Variants in ZKSCAN7 observed in about 807,000 individuals in gnomAD.
ZKSCAN7 encodes zinc finger with KRAB and SCAN domains 7, also known as zinc finger protein with KRAB and SCAN domains 7.
A neutral mutation model predicts 65.3 loss-of-function variants in ZKSCAN7; 38 were observed. The observed-to-expected ratio is 0.58, with a 90% CI of 0.45 to 0.76. The LOEUF (loss-of-function observed/expected upper bound fraction) is 0.76, where lower values mean the gene tolerates loss of function less well. Among genes scored for constraint, ZKSCAN7 ranks in the 30% least tolerant of loss-of-function variants. ZKSCAN7 has a pLI of 0.00. For missense variants in ZKSCAN7, 815 were observed against 913.3 expected, an observed-to-expected ratio of 0.89 and a Z score of 1.39; for synonymous variants, 321 against 321.0, an observed-to-expected ratio of 1.00 and a Z score of 0.00.
chr3:44,563,666 G>A (rs985958816), intron 2 of ZKSCAN7, among the ~76,000 whole-genome samples: 12 of 101,054 alleles, frequency 1.2e-4, no homozygotes, highest in African/African-American at 4.2e-4. Context: ...CCCACCCCCC[G>A]TGATCCAGTC....
chr3:44,565,436 A>G, intron 2 of ZKSCAN7, 51 bp from the exon 3 acceptor site: 3 of 1,508,726 alleles, frequency 2.0e-6, no homozygotes, highest in Non-Finnish European at 2.7e-6. Flanking sequence ...TTTTGGGTTC[A>G]GTACCTTCAA....
At chr3:44,566,867 C>T (rs1213888014) in intron 3 of ZKSCAN7, among the ~76,000 whole-genome samples, 2 of 151,898 alleles carry the variant, frequency 1.3e-5, no homozygotes, top group Admixed American at 1.3e-4. Context: ...ACCTGTAATC[C>T]CAGCACTTTG....
At chr3:44,562,593 T>G (rs1303289036) in intron 2 of ZKSCAN7, among the ~76,000 whole-genome samples, 1 of 152,248 alleles carries the variant, frequency 6.6e-6, no homozygotes, top group Non-Finnish European at 1.5e-5. Context: ...CTTTTAAATA[T>G]AAGTTCCAGT....
At chr3:44,573,459 C>T (rs1359803998), downstream of ZKSCAN7, among the ~76,000 whole-genome samples, 2 of 152,126 alleles carry the variant, frequency 1.3e-5, no homozygotes, top group Admixed American at 1.3e-4. Flanking sequence ...ATTCTAGGGA[C>T]ATATCTCAGG....
chr3:44,572,203 C>T (rs79794181), downstream of ZKSCAN7: 22,116 of 985,292 alleles, frequency 0.022, 273 homozygotes, highest in Non-Finnish European at 0.025. Context: ...ATCTTTCTCC[C>T]CTCCCCAGCT....
chr3:44,561,229 C>T lies in ZKSCAN7; in HGVS notation c.423+3759C>T, dbSNP rs549256214. 7.2e-5 allele frequency among the ~76,000 whole-genome samples: 11 copies of T among 152,176 alleles called. No homozygotes were observed. The South Asian group carries it at 2.3e-3, about 32-fold the overall frequency. On this transcript the variant is annotated intron_variant, in intron 2 of 5. Transcript: ENST00000426540. ...GGAAACCTACAATCATGGCAGAAGGCAAAGAGGAAGGAAGGACCTTCTTCA... is the reference window on the plus strand; with the variant it reads ...GGAAACCTACAATCATGGCAGAAGGTAAAGAGGAAGGAAGGACCTTCTTCA...
At chr3:44,572,808 C>G (rs1362637807), downstream of ZKSCAN7, among the ~76,000 whole-genome samples, 1 of 141,796 alleles carries the variant, frequency 7.1e-6, no homozygotes, top group Non-Finnish European at 1.5e-5. Flanking sequence ...CAAGATCGCA[C>G]CACTCCACTC....
At chr3:44,573,195 A>T (rs1048108666), downstream of ZKSCAN7, among the ~76,000 whole-genome samples, 3 of 152,222 alleles carry the variant, frequency 2.0e-5, no homozygotes, top group African/African-American at 7.2e-5. Context: ...CATGAGCTTG[A>T]ACAACTTTTC....
At chr3:44,563,465 G>C (rs893997358) in intron 2 of ZKSCAN7, among the ~76,000 whole-genome samples, 5 of 152,178 alleles carry the variant, frequency 3.3e-5, no homozygotes, top group Non-Finnish European at 7.3e-5. Context: ...AGGCTTAACA[G>C]AAAGCATGAC....
At chr3:44,579,788 C>T in intron 5 of ZKSCAN7, 1 of 1,613,392 alleles carries the variant, frequency 6.2e-7, no homozygotes, top group Non-Finnish European at 8.5e-7. Flanking sequence ...CCTGTAGTAT[C>T]TCAGGCTTTG....
At chr3:44,579,643 C>T (rs914821327) in intron 5 of ZKSCAN7, among the ~76,000 whole-genome samples, 2 of 152,126 alleles carry the variant, frequency 1.3e-5, no homozygotes, top group African/African-American at 2.4e-5. Flanking sequence ...ATGTCATGGC[C>T]GACGGGGTAA....
rs776468360 is a variant in ZKSCAN7 at position 44,557,069 on chromosome 3, A to G, written c.22A>G (p.Asn8Asp). The change falls in exon 2 of 6, where the codon AAT becomes GAT. Residue 8 changes from asparagine to aspartate, a missense_variant. This residue lies in a region of ZKSCAN7 where 227 missense variants were observed against 253.3 expected (regional missense o/e 0.90). Coordinates refer to ENST00000426540, the MANE Select transcript of ZKSCAN7 (RefSeq NM_001288590.2). MTTAGRG[N>D]LGLIPRSTAF... ...CACAATGACCACTGCAGGCAGGGGA[A>G]ATTTAGGCCTCATCCCCAGGAGCAC... is the stretch of plus-strand genomic sequence containing the variant. 3 of 1,614,210 alleles carry G rather than the reference A, an allele frequency of 1.9e-6. No individual in the cohort carries two copies. The highest frequency in any genetic ancestry group is 2.5e-6 in the Non-Finnish European group (3 of 1,180,040).
chr3:44,559,138 A>G (rs541963929), intron 2 of ZKSCAN7, among the ~76,000 whole-genome samples: 11 of 151,428 alleles, frequency 7.3e-5, no homozygotes, highest in Admixed American at 6.6e-4. Context: ...TGATTGAATC[A>G]GGCTCATGCA....
chr3:44,571,103 T>A lies in ZKSCAN7; in HGVS notation c.1993T>A (p.Cys665Ser). 1 of 1,614,102 alleles carries A rather than the reference T, an allele frequency of 6.2e-7. No homozygotes were observed. Among genetic ancestry groups the A allele is most frequent in the Non-Finnish European group, 8.5e-7 (1 of 1,180,012 alleles). ...RIHTGEKPYE[C>S]NECGKVFSYS... ...TCACACTGGTGAGAAACCCTATGAATGTAATGAGTGTGGGAAGGTATTCAG... is the reference window on the plus strand; with the variant it reads ...TCACACTGGTGAGAAACCCTATGAAAGTAATGAGTGTGGGAAGGTATTCAG... The change falls in exon 6 of 6, where the codon TGT becomes AGT. Residue 665 changes from cysteine to serine, a missense_variant. Around this residue, in one of 3 missense-constraint regions of ZKSCAN7, gnomAD observed 578 missense variants for 629.5 expected, o/e 0.92. Transcript: ENST00000426540.
chr3:44,578,618 C>T (rs781622179), intron 5 of ZKSCAN7, among the ~76,000 whole-genome samples: 2 of 152,200 alleles, frequency 1.3e-5, no homozygotes, highest in Non-Finnish European at 2.9e-5. Context: ...GTACTGGCGC[C>T]GCAGGGCCTC....
At chr3:44,566,694 A>G (rs1034843770) in intron 3 of ZKSCAN7, among the ~76,000 whole-genome samples, 1 of 152,020 alleles carries the variant, frequency 6.6e-6, no homozygotes, top group Non-Finnish European at 1.5e-5. Flanking sequence ...CTGGAGTGCA[A>G]TGGCACGATC....
chr3:44,570,829 T>C lies in ZKSCAN7; in HGVS notation c.1719T>C (p.His573=), dbSNP rs545346916. 1.6e-5 allele frequency: 26 copies of C among 1,614,162 alleles called. 1 individual carries two copies. The highest frequency in any genetic ancestry group is 6.7e-5 in the Admixed American group (4 of 60,024). The change falls in exon 6 of 6, where the codon CAT becomes CAC. Residue 573 remains histidine (H), a synonymous_variant. Transcript: ENST00000426540. ...SKCLIRHQSL[H]TGEKPYKCSE... ...GTCTTATTCGACATCAGAGCCTCCA[T>C]ACTGGGGAAAAGCCATACAAATGTA...
In ZKSCAN7 at chr3:44,556,982, TG is replaced by T; in HGVS notation, c.-65del. The T allele has an allele frequency of 2.5e-6, 4 of 1,601,606 alleles. No homozygotes were observed. Among genetic ancestry groups the T allele is most frequent in the Non-Finnish European group, 3.4e-6 (4 of 1,172,616 alleles). On this transcript the variant is annotated 5_prime_UTR_variant, in exon 2 of 6. Transcript: ENST00000426540. Reference sequence around the variant, plus strand: ...ACCCTGAAAAACAGTTCCTGAGACCTGAACTATTGACCATCATTTTAATCGG... The same window carrying T: ...ACCCTGAAAAACAGTTCCTGAGACCTAACTATTGACCATCATTTTAATCGG...
rs778145285 is a variant in ZKSCAN7, at chr3:44,577,459, G to A, written c.812-5513G>A. On this transcript the variant is annotated intron_variant, in intron 5 of 5. Coordinates refer to the ZKSCAN7 transcript ENST00000341840. The stretch of plus-strand genomic sequence containing the variant: ...TTCTCCTCTTAACAGCCAGACTAGC[G>A]GGTGAGGAGTCAGTGCTGTGACCCA... Among the ~76,000 whole-genome samples the A allele has an allele frequency of 5.0e-4, 76 of 152,196 alleles. 1 individual carries two copies. The Middle Eastern group carries it at 0.014, about 27-fold the overall frequency.
Sources: allele counts gnomAD v4.1 joint callset (sites outside exome capture counted in the v4.1 genomes callset), GRCh38; gene constraint gnomAD v4.1.1; regional missense constraint gnomAD v4.1.1; transcripts MANE v1.5; gene names NCBI Gene and HGNC (gene_info 2026-07-23, HGNC 2026-07-21).